The following RASEF variants were observed in gnomAD, a reference collection of about 807,000 sequenced individuals.
RASEF encodes RAS and EF-hand domain containing.
RASEF carries 68 observed loss-of-function variants against 90.1 expected under a neutral mutation model. The observed-to-expected ratio is 0.75, with a 90% CI of 0.62 to 0.92. The LOEUF is 0.92. RASEF is among the 40% of genes least tolerant of loss of function. The pLI, the probability that RASEF is intolerant of heterozygous loss-of-function variation, is 0.00. For synonymous variants in RASEF, 331 were observed against 345.2 expected (o/e 0.96, Z 0.46); for missense variants, 949 against 937.2 (o/e 1.01, Z -0.16).
chr9:83,099,188 TTAAGTGCACATATA>T, the RASEF span, among the ~76,000 whole-genome samples: 1 of 152,204 alleles, frequency 6.6e-6, no homozygotes, highest in Non-Finnish European at 1.5e-5. Flanking sequence ...ATAGTCTGAT[TTAAGTGCACATATA>T]TATACTTATG....
At chr9:83,140,548 A>T in the RASEF span, among the ~76,000 whole-genome samples, 1 of 152,250 alleles carries the variant, frequency 6.6e-6, no homozygotes, top group African/African-American at 2.4e-5. Flanking sequence ...ACGAACTCTG[A>T]TGGTACCTTA....
At chr9:83,191,313 A>G in the RASEF span, among the ~76,000 whole-genome samples, 6 of 152,318 alleles carry the variant, frequency 3.9e-5, no homozygotes, top group African/African-American at 1.4e-4. Flanking sequence ...CCTTTCAGCA[A>G]ACAGAAGACA....
intron 1 of RASEF, among the ~76,000 whole-genome samples, chr9:83,057,506 AAC>A (rs1276593716): frequency 6.6e-6 from 1 of 152,242 alleles, no homozygotes; most frequent in Non-Finnish European, 1.5e-5. Flanking sequence ...ACAGAATAGC[AAC>A]AGTTAGAAAA....
At chr9:83,112,251 A>G in the RASEF span, among the ~76,000 whole-genome samples, 1 of 152,292 alleles carries the variant, frequency 6.6e-6, no homozygotes, top group African/African-American at 2.4e-5. Context: ...ATATATGTTC[A>G]TGTCTGTTAA....
chr9:83,125,559 C>A, the RASEF span, among the ~76,000 whole-genome samples: 8 of 152,208 alleles, frequency 5.3e-5, no homozygotes, highest in African/African-American at 1.9e-4. Context: ...TCACTCTTCT[C>A]AATTTTCTTC....
At chr9:83,073,860 T>G in the RASEF span, among the ~76,000 whole-genome samples, 1 of 152,212 alleles carries the variant, frequency 6.6e-6, no homozygotes. Context: ...ATACCAATAT[T>G]TAAAGTTTAG....
the RASEF span, among the ~76,000 whole-genome samples, chr9:83,078,507 T>C: frequency 2.6e-5 from 4 of 152,032 alleles, no homozygotes; most frequent in African/African-American, 9.6e-5. Context: ...CTCTAAAAGA[T>C]ATAAAAATTG....
Position 82,994,638 on chromosome 9 carries a change from C to T in RASEF, c.1921-1613G>A, listed in dbSNP as rs537301533. Among the ~76,000 whole-genome samples, 5 of 152,082 alleles carry T rather than the reference C, an allele frequency of 3.3e-5. No individual in the cohort carries two copies. The South Asian group carries it at 8.3e-4, about 25-fold the overall frequency. On this transcript the variant is annotated intron_variant, in intron 14 of 16. Coordinates refer to ENST00000376447, the MANE Select transcript of RASEF (RefSeq NM_152573.4). The stretch of plus-strand genomic sequence containing the variant: ...AGAACCTAGACTACTACACAGGAAC[C>T]GGGCAGATCCTCAAAAAATAGTTTT...
At chr9:82,990,326 G>C in intron 16 of RASEF, 65 bp downstream of exon 16, 1 of 1,068,844 alleles carries the variant, frequency 9.4e-7, no homozygotes, top group Non-Finnish European at 1.5e-6. Context: ...GCACATTATG[G>C]ACAAGAAATG....
intron 1 of RASEF, among the ~76,000 whole-genome samples, chr9:83,056,757 C>T (rs1014688068): frequency 6.6e-6 from 1 of 152,134 alleles, no homozygotes; most frequent in Non-Finnish European, 1.5e-5. Flanking sequence ...GTACAGTCTC[C>T]CTGGTAACAC....
At chr9:83,147,028 G>GTATATA in the RASEF span, among the ~76,000 whole-genome samples, 675 of 30,964 alleles carry the variant, frequency 0.022, 2 homozygotes, top group Admixed American at 0.042. Flanking sequence ...GTGTGTGTGT[G>GTATATA]TATATATATA....
upstream of RASEF, among the ~76,000 whole-genome samples, chr9:83,064,554 ATTATAT>A (rs928850936): frequency 1.3e-5 from 2 of 152,212 alleles, no homozygotes; most frequent in Non-Finnish European, 2.9e-5. Flanking sequence ...TTGAACTATT[ATTATAT>A]TTATACTGTT....
At chr9:83,084,742 A>G in the RASEF span, among the ~76,000 whole-genome samples, 1 of 152,154 alleles carries the variant, frequency 6.6e-6, no homozygotes, top group African/African-American at 2.4e-5. Flanking sequence ...TCTTAAAGCT[A>G]CATCCATTTC....
rs1225643499 is a variant in RASEF, at chr9:83,013,673, C to A, written c.766-1162G>T. 3.3e-5 allele frequency among the ~76,000 whole-genome samples: 5 copies of A among 152,302 alleles called. No homozygotes were observed. The East Asian group carries it at 9.7e-4, about 29-fold the overall frequency. ...CACAAACTGTGTAGTAAGATGGCTT[C>A]ATCAGTTATTAGCTGTGTGACTCTG... is the stretch of plus-strand genomic sequence containing the variant. On this transcript the variant is annotated intron_variant, in intron 4 of 16. Transcript: ENST00000376447.
chr9:83,147,061 A>AT, the RASEF span, among the ~76,000 whole-genome samples: 16 of 120,470 alleles, frequency 1.3e-4, no homozygotes, highest in Admixed American at 5.8e-4. Context: ...TATATATATA[A>AT]ATATGTACAT....
chr9:82,989,011 C>A (rs958773374), intron 16 of RASEF, among the ~76,000 whole-genome samples: 2 of 152,030 alleles, frequency 1.3e-5, no homozygotes, highest in African/African-American at 4.8e-5. Flanking sequence ...GGGAAATGTT[C>A]GAAGACTCTT....
At chr9:83,067,353 A>C (rs1306099497), upstream of RASEF, among the ~76,000 whole-genome samples, 1 of 152,198 alleles carries the variant, frequency 6.6e-6, no homozygotes, top group Non-Finnish European at 1.5e-5. Flanking sequence ...GCTACAGGAA[A>C]AAGGTAGATT....
the RASEF span, among the ~76,000 whole-genome samples, chr9:83,172,416 AT>A: frequency 2.7e-5 from 4 of 150,622 alleles, no homozygotes; most frequent in Admixed American, 2.0e-4. Flanking sequence ...TCATTTTGTT[AT>A]TTTTTTTCTG....
chr9:83,110,053 A>G, the RASEF span, among the ~76,000 whole-genome samples: 23 of 152,344 alleles, frequency 1.5e-4, no homozygotes, highest in Admixed American at 6.5e-4. Context: ...TACTTAAACA[A>G]TCATATTTTT....
Sources: gnomAD v4.1 joint callset for allele counts (sites outside exome capture counted in the v4.1 genomes callset) on GRCh38, gnomAD v4.1.1 for gene constraint, MANE v1.5 for transcripts, NCBI Gene and HGNC (gene_info 2026-07-23, HGNC 2026-07-21) for gene names.